The following CD44 variants were observed in gnomAD, a reference collection of about 807,000 sequenced individuals.
CD44 encodes the protein CD44 antigen.
In CD44, 49 loss-of-function variants were observed where a neutral mutation model predicts 88.8. The ratio of observed to expected loss-of-function variants is 0.55; its 90% CI spans 0.44 to 0.70. The LOEUF (loss-of-function observed/expected upper bound fraction) is 0.70. Among genes scored for constraint, CD44 ranks in the 30% least tolerant of loss-of-function variants. CD44 has a pLI of 0.00. For missense variants in CD44, 883 were observed against 913.8 expected (o/e 0.97, Z 0.43); for synonymous variants, 325 against 312.3 (o/e 1.04, Z -0.43).
At position 35,219,313 on chromosome 11, in the gene CD44, T is replaced by C. The variant is rs1949100494; in HGVS notation, c.1874-3T>C. ...GGTTGAGAGATGTTGTTTTTCCCCT[T>C]AGGACACTCACATGGGAGTCAAGAA... is the stretch of plus-strand genomic sequence containing the variant. On this transcript the variant is annotated splice_region_variant and splice_polypyrimidine_tract_variant and intron_variant, in intron 15 of 17. Coordinates refer to ENST00000428726, the MANE Select transcript of CD44 (RefSeq NM_000610.4). 1 of 1,612,720 alleles carries C rather than the reference T, an allele frequency of 6.2e-7. No individual in the cohort carries two copies. The highest frequency in any genetic ancestry group is 8.5e-7 in the Non-Finnish European group (1 of 1,178,788).
Position 35,189,978 on chromosome 11 carries a change from A to G in CD44, c.580A>G (p.Ile194Val). 2 of 1,614,206 alleles carry G rather than the reference A, an allele frequency of 1.2e-6. No homozygotes were observed. Among genetic ancestry groups the G allele is most frequent in the Non-Finnish European group, 1.7e-6 (2 of 1,180,030 alleles). The change falls in exon 5 of 18, where the codon ATC becomes GTC. Residue 194 changes from isoleucine (I) to valine (V), a missense_variant. Physicochemically the swap from Ile to Val is conservative, Grantham distance 29. Around this residue, in one of 2 missense-constraint regions of CD44, gnomAD observed 252 missense variants for 322.9 expected, o/e 0.78. Coordinates refer to ENST00000428726, the MANE Select transcript of CD44 (RefSeq NM_000610.4). The part of the protein sequence containing the change: ...SERSSTSGGY[I>V]FYTFSTVHPI... ...AAGGAGCAGCACTTCAGGAGGTTAC[A>G]TCTTTTACACCTTTTCTACTGTACA...
chr11:35,208,130 G>A lies in CD44; in HGVS notation c.1440G>A (p.Thr480=), dbSNP rs577769168. 1.2e-5 allele frequency: 19 copies of A among 1,610,662 alleles called. No homozygotes were observed. Among genetic ancestry groups the A allele is most frequent in the South Asian group, 9.9e-5 (9 of 90,996 alleles). ...ATATGGACTCCAGTCATAGTATAAC[G>A]CTTCAGCCTACTGCAAATCCAAACA... The part of the protein sequence containing the change: ...RMDMDSSHSI[T]LQPTANPNTG... The change falls in exon 12 of 18, where the codon ACG becomes ACA. Residue 480 remains threonine (T), a synonymous_variant. Coordinates refer to ENST00000428726, the MANE Select transcript of CD44 (RefSeq NM_000610.4).
chr11:35,187,813 A>G (rs1193361901), intron 4 of CD44, among the ~76,000 whole-genome samples: 2 of 152,230 alleles, frequency 1.3e-5, no homozygotes, highest in Admixed American at 6.5e-5. Context: ...GACATTGTTT[A>G]TACCACATCC....
chr11:35,180,230 A>G (rs769096246), intron 2 of CD44, 44 bp from the exon 3 acceptor site: 17 of 1,604,128 alleles, frequency 1.1e-5, no homozygotes, highest in East Asian at 2.2e-5. Context: ...TGAAATTCCC[A>G]TCTTAGCCAT....
Position 35,176,589 on chromosome 11 carries a change from T to G in CD44, c.82T>G (p.Cys28Gly). The G allele has an allele frequency of 6.2e-7, 1 of 1,609,900 alleles. No individual in the cohort carries two copies. Among genetic ancestry groups the G allele is most frequent in the Non-Finnish European group, 8.5e-7 (1 of 1,178,756 alleles). Residue 28 changes from cysteine (C) to glycine (G), a missense_variant, in exon 2 of 18, where the codon TGC becomes GGC. By Grantham distance (159) the Cys-to-Gly change is radical. Around this residue, in one of 2 missense-constraint regions of CD44, gnomAD observed 252 missense variants for 322.9 expected, o/e 0.78. Transcript: ENST00000428726. ...SLAQIDLNIT[C>G]RFAGVFHVEK... ...TCTTCCCATAGATTTGAATATAACC[T>G]GCCGCTTTGCAGGTGTATTCCACGT...
chr11:35,228,253 G>C (rs939000331), intron 17 of CD44, among the ~76,000 whole-genome samples: 2 of 152,188 alleles, frequency 1.3e-5, no homozygotes, highest in South Asian at 4.1e-4. Context: ...AGTAATGTTT[G>C]AGAAACCTTA....
chr11:35,152,637 C>T (rs756041115), intron 1 of CD44, among the ~76,000 whole-genome samples: 10 of 152,270 alleles, frequency 6.6e-5, no homozygotes, highest in East Asian at 1.9e-4. Context: ...GGATAACTTT[C>T]GCCTCTATCT....
At chr11:35,166,929 G>A (rs1247326732) in intron 1 of CD44, among the ~76,000 whole-genome samples, 1 of 152,232 alleles carries the variant, frequency 6.6e-6, no homozygotes, top group Non-Finnish European at 1.5e-5. Flanking sequence ...TCATTCAGAA[G>A]TGGATGCTAA....
At position 35,208,214 on chromosome 11, in the gene CD44, T is replaced by G. The variant is rs573272706; in HGVS notation, c.1516+8T>G. ...CTCTTTCAATGACAACGCGTAAGAA[T>G]AACGATGCTCAGCCACTTTATTGAC... On this transcript the variant is annotated splice_region_variant and intron_variant, in intron 12 of 17. Coordinates refer to ENST00000428726, the MANE Select transcript of CD44 (RefSeq NM_000610.4). 1 of 1,564,774 alleles carries G rather than the reference T, an allele frequency of 6.4e-7. No individual in the cohort carries two copies. Among genetic ancestry groups the G allele is most frequent in the South Asian group, 1.1e-5 (1 of 90,076 alleles).
At chr11:35,157,729 G>C (rs533814506) in intron 1 of CD44, among the ~76,000 whole-genome samples, 1 of 152,296 alleles carries the variant, frequency 6.6e-6, no homozygotes, top group East Asian at 1.9e-4. Flanking sequence ...ACAGTTTCCT[G>C]CAAGGGCATC....
At chr11:35,222,185 C>T (rs1002804791) in intron 17 of CD44, among the ~76,000 whole-genome samples, 11 of 152,170 alleles carry the variant, frequency 7.2e-5, no homozygotes, top group East Asian at 1.9e-4. Flanking sequence ...GCACAAATAT[C>T]GTATAAAGAT....
intron 17 of CD44, among the ~76,000 whole-genome samples, chr11:35,226,925 C>G (rs1324718702): frequency 5.2e-5 from 7 of 134,864 alleles, no homozygotes; most frequent in African/African-American, 2.0e-4. Context: ...TACTGTGTCA[C>G]CCAGGCTGGA....
At chr11:35,192,607 G>A (rs193236795) in intron 5 of CD44, among the ~76,000 whole-genome samples, 6 of 152,130 alleles carry the variant, frequency 3.9e-5, no homozygotes, top group African/African-American at 1.4e-4. Flanking sequence ...GGGACAGCTA[G>A]TAAGAATAAC....
intron 3 of CD44, among the ~76,000 whole-genome samples, chr11:35,183,338 CAAA>C (rs5791038): frequency 2.4e-5 from 3 of 126,606 alleles, no homozygotes; most frequent in African/African-American, 2.7e-5. Context: ...AGCAATGAGA[CAAA>C]AAAAAAAAAA....
At chr11:35,153,910 G>C (rs1941513575) in intron 1 of CD44, among the ~76,000 whole-genome samples, 1 of 152,050 alleles carries the variant, frequency 6.6e-6, no homozygotes, top group African/African-American at 2.4e-5. Context: ...CTCACCATTG[G>C]GTCTTCTGAG....
intron 1 of CD44, among the ~76,000 whole-genome samples, chr11:35,168,930 G>A (rs1369378635): frequency 6.6e-6 from 1 of 152,212 alleles, no homozygotes; most frequent in African/African-American, 2.4e-5. Context: ...GACAGACAAA[G>A]CCAGTTACAA....
At chr11:35,198,702 G>A (rs904431014) in intron 7 of CD44, 4 of 153,772 alleles carry the variant, frequency 2.6e-5, no homozygotes, top group African/African-American at 9.6e-5. Flanking sequence ...TTGTAGGCCA[G>A]GCGTGGTGGC....
chr11:35,168,272 A>T (rs954573534), intron 1 of CD44, among the ~76,000 whole-genome samples: 5 of 152,200 alleles, frequency 3.3e-5, no homozygotes, highest in African/African-American at 1.2e-4. Context: ...TGACCTGTGC[A>T]TAAGTTGGAA....
At chr11:35,227,433 G>T (rs187098796) in intron 17 of CD44, among the ~76,000 whole-genome samples, 2 of 152,138 alleles carry the variant, frequency 1.3e-5, no homozygotes, top group Non-Finnish European at 2.9e-5. Context: ...TGATCCACCC[G>T]CCTTGGCCTC....
Sources: gnomAD v4.1 joint callset for allele counts (sites outside exome capture counted in the v4.1 genomes callset) on GRCh38, gnomAD v4.1.1 for gene constraint, gnomAD v4.1.1 regional missense constraint, MANE v1.5 for transcripts, NCBI Gene and HGNC (gene_info 2026-07-23, HGNC 2026-07-21) for gene names.